The following HDGFL3 variants were observed in gnomAD, a reference collection of about 807,000 sequenced individuals.
HDGFL3 encodes hepatoma-derived growth factor-related protein 3.
A neutral mutation model predicts 27.6 loss-of-function variants in HDGFL3; 6 were observed. That is an observed-to-expected ratio of 0.22 (90% CI 0.12 to 0.43). HDGFL3 has a LOEUF of 0.43. Ranked by LOEUF, HDGFL3 falls within the 20% of genes least tolerant of loss-of-function variation. The pLI is 1.00. For missense variants in HDGFL3, 207 were observed against 250.1 expected (o/e 0.83, Z 1.16); for synonymous variants, 88 against 88.9 (o/e 0.99, Z 0.05).
rs151155930 is a variant in HDGFL3 at position 83,182,600 on chromosome 15, C to A, written c.85-18525G>T. On this transcript the variant is annotated intron_variant, in intron 1 of 5. Transcript: ENST00000299633. ...ATATTAAGTTCTAGAAAAGGAAAAG[C>A]AAATCTATGGTGAAAAAAAATCTGA... Among the ~76,000 whole-genome samples the A allele has an allele frequency of 5.7e-3, 860 of 151,988 alleles. 9 individuals carry two copies. The highest frequency in any genetic ancestry group is 0.034 in the Middle Eastern group (10 of 292).
chr15:83,190,144 C>G (rs913156988), intron 1 of HDGFL3, among the ~76,000 whole-genome samples: 1 of 150,240 alleles, frequency 6.7e-6, no homozygotes, highest in African/African-American at 2.5e-5. Context: ...AGCTTGGGAG[C>G]CTGCAGTGAG....
At chr15:83,176,592 A>G (rs1471129367) in intron 1 of HDGFL3, among the ~76,000 whole-genome samples, 2 of 152,042 alleles carry the variant, frequency 1.3e-5, no homozygotes, top group Non-Finnish European at 2.9e-5. Flanking sequence ...CTGGACCTTC[A>G]CCATTAGTGT....
chr15:83,186,006 C>T (rs1391368070), intron 1 of HDGFL3: 3 of 152,268 alleles, frequency 2.0e-5, no homozygotes, highest in African/African-American at 7.2e-5. Flanking sequence ...TGGCCAACAT[C>T]TCATGAAGAA....
chr15:83,161,985 T>C (rs1226329735), intron 2 of HDGFL3, among the ~76,000 whole-genome samples: 2 of 152,198 alleles, frequency 1.3e-5, no homozygotes, highest in African/African-American at 4.8e-5. Flanking sequence ...ACATCAGAAT[T>C]AGAACAGATT....
Position 83,182,621 on chromosome 15 carries a change from T to C in HDGFL3, c.85-18546A>G, listed in dbSNP as rs2037394441. ...AAAGCAAATCTATGGTGAAAAAAAATCTGAGTATGATTACCTCTGGAGATT... is the reference window on the plus strand; with the variant it reads ...AAAGCAAATCTATGGTGAAAAAAAACCTGAGTATGATTACCTCTGGAGATT... On this transcript the variant is annotated intron_variant, in intron 1 of 5. Transcript: ENST00000299633. 2.0e-5 allele frequency among the ~76,000 whole-genome samples: 3 copies of C among 152,144 alleles called. No individual in the cohort carries two copies. The South Asian group carries it at 6.2e-4, about 31-fold the overall frequency.
chr15:83,194,579 T>A lies in HDGFL3; in HGVS notation c.84+12752A>T, dbSNP rs533285797. The stretch of plus-strand genomic sequence containing the variant: ...ATTCTATGTATTTTTACAATTAAAA[T>A]TTTTTTTTAATTACAATGAGCACAT... On this transcript the variant is annotated intron_variant, in intron 1 of 5. Coordinates refer to ENST00000299633, the MANE Select transcript of HDGFL3 (RefSeq NM_016073.4). Among the ~76,000 whole-genome samples, 69 of 151,826 alleles carry A rather than the reference T, an allele frequency of 4.5e-4. 1 individual carries two copies. The highest frequency in any genetic ancestry group is 3.4e-3 in the Middle Eastern group (1 of 294).
intron 1 of HDGFL3, among the ~76,000 whole-genome samples, chr15:83,206,355 T>C (rs549783346): frequency 6.6e-6 from 1 of 152,324 alleles, no homozygotes; most frequent in African/African-American, 2.4e-5. Flanking sequence ...CTAGAATGCC[T>C]TGACCCTCCT....
At chr15:83,120,907 A>T (rs2035172425) in intron 3 of HDGFL3, among the ~76,000 whole-genome samples, 1 of 142,810 alleles carries the variant, frequency 7.0e-6, no homozygotes, top group African/African-American at 2.6e-5. Context: ...AATCCCAGTC[A>T]TTATGAATGG....
At chr15:83,202,711 C>A (rs938852541) in intron 1 of HDGFL3, among the ~76,000 whole-genome samples, 4 of 152,110 alleles carry the variant, frequency 2.6e-5, no homozygotes, top group African/African-American at 7.2e-5. Context: ...CAGCTTGATA[C>A]ATTTTTACAT....
In HDGFL3 at chr15:83,134,772, A is replaced by C. The variant is rs1337970211; in HGVS notation, c.*4498T>G. 6.6e-6 allele frequency: 1 copy of C among 152,242 alleles called. No individual in the cohort carries two copies. Among genetic ancestry groups the C allele is most frequent in the Non-Finnish European group, 1.5e-5 (1 of 68,050 alleles). 9.4% of individuals were successfully genotyped at this position (152,242 alleles called of 1,614,324 possible). A position where few individuals can be genotyped will look rare whatever the true frequency, so the allele number is the denominator to read the frequency against. ...AAACCCAGATTTCTGAGAACCAGGG[A>C]TCAAATGTGGCTTCCAGTCCAGAGA... On this transcript the variant is annotated 3_prime_UTR_variant, in exon 6 of 6. Transcript: ENST00000299633.
exon 4 of HDGFL3, chr15:83,112,949 A>T: frequency 1.4e-6 from 2 of 1,415,894 alleles, no homozygotes; most frequent in Non-Finnish European, 2.0e-6. Flanking sequence ...ATAACACAAT[A>T]CTTTCAGCCT....
At chr15:83,166,435 C>A (rs763453582) in intron 1 of HDGFL3, among the ~76,000 whole-genome samples, 6 of 152,076 alleles carry the variant, frequency 3.9e-5, no homozygotes, top group Non-Finnish European at 7.4e-5. Context: ...TACTACTAGA[C>A]CAGCCTTAGA....
intron 1 of HDGFL3, among the ~76,000 whole-genome samples, chr15:83,172,207 G>A (rs1299918517): frequency 6.6e-6 from 1 of 152,166 alleles, no homozygotes; most frequent in South Asian, 2.1e-4. Context: ...AATAAAGGGG[G>A]CTGGACAGAG....
At chr15:83,142,440 C>T (rs954307006) in intron 5 of HDGFL3, among the ~76,000 whole-genome samples, 12 of 152,094 alleles carry the variant, frequency 7.9e-5, no homozygotes, top group African/African-American at 1.9e-4. Flanking sequence ...AACCAGATAC[C>T]GCGTGTTCTT....
At chr15:83,117,257 C>G (rs371888508) in intron 3 of HDGFL3, among the ~76,000 whole-genome samples, 3 of 152,212 alleles carry the variant, frequency 2.0e-5, no homozygotes, top group Admixed American at 2.0e-4. Flanking sequence ...CCCTGGGGCA[C>G]CAATCTGCAA....
rs2036292496 is a variant in HDGFL3, at chr15:83,132,102, A to T, written c.*7168T>A. On this transcript the variant is annotated 3_prime_UTR_variant, in exon 6 of 6. Transcript: ENST00000299633. ...CCTCAGTTTCCTCTTCTGTAAAGTG[A>T]GGATAATAACAGTAGCTTTCTCATG... The T allele has an allele frequency of 6.6e-6, 1 of 152,194 alleles. No homozygotes were observed. The highest frequency in any genetic ancestry group is 1.5e-5 in the Non-Finnish European group (1 of 68,044). 9.4% of individuals were successfully genotyped at this position (152,194 alleles called of 1,614,324 possible). A position where few individuals can be genotyped will look rare whatever the true frequency, so the allele number is the denominator to read the frequency against.
At chr15:83,184,643 A>G (rs1206015547) in intron 1 of HDGFL3, 1 of 151,906 alleles carries the variant, frequency 6.6e-6, no homozygotes, top group African/African-American at 2.4e-5. Context: ...CGTCTTCTCT[A>G]CTAGGTTCCA....
At chr15:83,140,133 T>A (rs903329569) in intron 5 of HDGFL3, among the ~76,000 whole-genome samples, 1 of 152,166 alleles carries the variant, frequency 6.6e-6, no homozygotes, top group Non-Finnish European at 1.5e-5. Flanking sequence ...CACTGATGGG[T>A]ATGTTCTCAT....
intron 2 of HDGFL3, among the ~76,000 whole-genome samples, chr15:83,163,526 C>T (rs1320100225): frequency 1.3e-5 from 2 of 152,156 alleles, no homozygotes; most frequent in Non-Finnish European, 2.9e-5. Flanking sequence ...TCCTTTATTA[C>T]ATCAGTGTAG....
Sources: allele counts gnomAD v4.1 joint callset (sites outside exome capture counted in the v4.1 genomes callset), GRCh38; gene constraint gnomAD v4.1.1; transcripts MANE v1.5; gene names NCBI Gene and HGNC (gene_info 2026-07-23, HGNC 2026-07-21).